The following CHLSN variants were observed in gnomAD, a reference collection of about 807,000 sequenced individuals.
CHLSN encodes protein cholesin.
the CHLSN span, among the ~76,000 whole-genome samples, chr7:1,023,624 A>AACACACACACAC: frequency 0.013 from 1,602 of 122,266 alleles, 19 homozygotes; most frequent in East Asian, 0.035. This position sits in a 1 kb window ranked among gnomAD's most constrained non-coding sequence, Gnocchi z 5.0. Context: ...CCTCCCAGGA[A>AACACACACACAC]ACACACACAC....
the CHLSN span, among the ~76,000 whole-genome samples, chr7:1,098,855 C>G: frequency 6.6e-6 from 1 of 152,246 alleles, no homozygotes; most frequent in Non-Finnish European, 1.5e-5. Context: ...CCACTGCTGA[C>G]AGGCAATGGA....
the CHLSN span, among the ~76,000 whole-genome samples, chr7:1,044,423 G>A: frequency 6.6e-6 from 1 of 152,176 alleles, no homozygotes; most frequent in Non-Finnish European, 1.5e-5. Flanking sequence ...AACCTCACTG[G>A]TCCGAGCGGT....
At chr7:1,113,964 C>T in the CHLSN span, among the ~76,000 whole-genome samples, 1 of 152,244 alleles carries the variant, frequency 6.6e-6, no homozygotes, top group East Asian at 1.9e-4. Flanking sequence ...GTACAAACCT[C>T]TCAGTGGCTC....
At chr7:1,123,448 C>T in the CHLSN span, among the ~76,000 whole-genome samples, 2 of 152,076 alleles carry the variant, frequency 1.3e-5, no homozygotes, top group African/African-American at 2.4e-5. The surrounding 1 kb of genome is among the most constrained non-coding windows in gnomAD (Gnocchi z 4.4). Context: ...TGGTGGATTC[C>T]GGAGGTTCAT....
chr7:1,104,066 C>T, the CHLSN span, among the ~76,000 whole-genome samples: 7 of 152,240 alleles, frequency 4.6e-5, no homozygotes, highest in African/African-American at 1.7e-4. Context: ...GCCATGGCAC[C>T]CACAGGTTTC....
At chr7:1,037,515 G>A in the CHLSN span, among the ~76,000 whole-genome samples, 7 of 142,872 alleles carry the variant, frequency 4.9e-5, 1 homozygote, top group Admixed American at 2.8e-4. Flanking sequence ...CCGAGGTGCC[G>A]GGATTGCAGA....
chr7:1,106,466 C>T, the CHLSN span, among the ~76,000 whole-genome samples: 2 of 152,148 alleles, frequency 1.3e-5, no homozygotes, highest in African/African-American at 4.8e-5. Context: ...AGGGGATCAA[C>T]GTGGAGAGGG....
the CHLSN span, among the ~76,000 whole-genome samples, chr7:1,136,399 A>T: frequency 2.7e-5 from 3 of 112,326 alleles, 1 homozygote; most frequent in African/African-American, 1.2e-4. Context: ...CATATATATA[A>T]ATATATATAA....
At chr7:1,009,904 T>C in the CHLSN span, 2 of 1,455,888 alleles carry the variant, frequency 1.4e-6, no homozygotes, top group Non-Finnish European at 9.1e-7. Context: ...AGGCAGGGGT[T>C]GAGACGCACG....
chr7:1,029,524 A>C, the CHLSN span, among the ~76,000 whole-genome samples: 1 of 152,204 alleles, frequency 6.6e-6, no homozygotes, highest in Non-Finnish European at 1.5e-5. Context: ...TGGCCTCCTA[A>C]AGCACTGACT....
the CHLSN span, among the ~76,000 whole-genome samples, chr7:1,018,975 C>T: frequency 6.6e-6 from 1 of 151,984 alleles, no homozygotes; most frequent in African/African-American, 2.4e-5. Flanking sequence ...GTGGGTGGAT[C>T]ATCTGAGTCA....
chr7:1,058,453 A>G, the CHLSN span: 3 of 780,390 alleles, frequency 3.8e-6, no homozygotes, highest in Non-Finnish European at 4.8e-6. Context: ...CTGATGAAAA[A>G]GCTGCCCTGC....
chr7:1,055,276 G>C, the CHLSN span: 1 of 471,082 alleles, frequency 2.1e-6, no homozygotes, highest in Non-Finnish European at 4.4e-6. Context: ...GAACTTACCA[G>C]AGGAAAACAA....
chr7:984,307 T>C, the CHLSN span: 3 of 1,427,658 alleles, frequency 2.1e-6, no homozygotes, highest in Non-Finnish European at 2.8e-6. Flanking sequence ...CTGCCCCCAT[T>C]TTCCCTCTGT....
the CHLSN span, chr7:1,000,692 GT>G: frequency 7.7e-6 from 5 of 649,252 alleles, no homozygotes; most frequent in South Asian, 3.9e-5. Context: ...TGTGAAGAGG[GT>G]TTTTGGAGCC....
At chr7:1,093,290 T>A in the CHLSN span, 1 of 431,140 alleles carries the variant, frequency 2.3e-6, no homozygotes, top group Non-Finnish European at 4.9e-6. Context: ...GTGGGGGAAC[T>A]GACGCTGGAG....
chr7:1,041,008 A>G, the CHLSN span, among the ~76,000 whole-genome samples: 4 of 152,240 alleles, frequency 2.6e-5, no homozygotes, highest in Non-Finnish European at 5.9e-5. Flanking sequence ...GCTCGGCAGT[A>G]TGCTGGAGAC....
chr7:1,012,811 C>T, the CHLSN span, among the ~76,000 whole-genome samples: 5 of 152,072 alleles, frequency 3.3e-5, no homozygotes, highest in Non-Finnish European at 7.4e-5. Context: ...TCGGCTGCCC[C>T]GTGCTCGCGC....
At chr7:1,018,995 G>T in the CHLSN span, among the ~76,000 whole-genome samples, 2 of 152,044 alleles carry the variant, frequency 1.3e-5, no homozygotes, top group Admixed American at 1.3e-4. Flanking sequence ...AGGAGTCCGA[G>T]ACCAGCCTGG....
Sources: gnomAD v4.1 joint callset for allele counts (sites outside exome capture counted in the v4.1 genomes callset) on GRCh38, gnomAD v4.1.1 for gene constraint, Gnocchi (gnomAD v3.1) non-coding constraint, MANE v1.5 for transcripts, NCBI Gene and HGNC (gene_info 2026-07-23, HGNC 2026-07-21) for gene names.